The following DOCK2 variants were observed in gnomAD, a reference collection of about 807,000 sequenced individuals.
The protein encoded by DOCK2 is dedicator of cytokinesis 2.
In DOCK2, 87 loss-of-function variants were observed where a neutral mutation model predicts 248.9. The observed-to-expected ratio is 0.35, with a 90% confidence interval of 0.29 to 0.42. The LOEUF (loss-of-function observed/expected upper bound fraction) is 0.42. Ranked by LOEUF, DOCK2 falls within the 10% of genes least tolerant of loss-of-function variation. The pLI is 1.00. For missense variants in DOCK2, 1,747 were observed against 2,300.2 expected (o/e 0.76, Z 4.92); for synonymous variants, 805 against 821.6 (o/e 0.98, Z 0.35).
intron 25 of DOCK2, among the ~76,000 whole-genome samples, chr5:169,765,635 G>T (rs1561675287): frequency 6.6e-6 from 1 of 152,146 alleles, no homozygotes; most frequent in Non-Finnish European, 1.5e-5. Context: ...ACTGCTTTAG[G>T]ATCCACATTG....
chr5:169,641,734 C>G (rs1778402536), intron 1 of DOCK2, among the ~76,000 whole-genome samples: 1 of 152,160 alleles, frequency 6.6e-6, no homozygotes, highest in African/African-American at 2.4e-5. Context: ...TCTCTCCCCA[C>G]CACCTCCCTC....
At chr5:169,912,030 T>G (rs898703767) in intron 27 of DOCK2, among the ~76,000 whole-genome samples, 1 of 152,210 alleles carries the variant, frequency 6.6e-6, no homozygotes, top group Non-Finnish European at 1.5e-5. Context: ...ATGGGCTAAC[T>G]GCGTACCTAT....
At chr5:170,027,813 G>T (rs755150269) in intron 33 of DOCK2, 50 bp from the exon 34 acceptor site, 6 of 1,537,934 alleles carry the variant, frequency 3.9e-6, no homozygotes, top group Non-Finnish European at 4.5e-6. Flanking sequence ...ACTAATTTCA[G>T]CCCTCAGCCT....
intron 27 of DOCK2, 80 bp downstream of exon 27, chr5:169,840,932 A>G: frequency 7.0e-7 from 1 of 1,435,438 alleles, no homozygotes; most frequent in Non-Finnish European, 9.6e-7. Context: ...GGCAGATCAC[A>G]TTGAACTCCC....
chr5:169,825,881 C>T (rs1768820880), intron 26 of DOCK2, among the ~76,000 whole-genome samples: 3 of 149,782 alleles, frequency 2.0e-5, no homozygotes, highest in Admixed American at 2.0e-4. Flanking sequence ...CGAGTCACAA[C>T]ACTACACCCT....
intron 41 of DOCK2, among the ~76,000 whole-genome samples, chr5:170,055,052 A>C (rs1216577680): frequency 5.9e-5 from 9 of 152,242 alleles, no homozygotes; most frequent in Admixed American, 5.9e-4. Flanking sequence ...AATGATGATG[A>C]TTAAACACCA....
intron 27 of DOCK2, among the ~76,000 whole-genome samples, chr5:169,850,792 G>A (rs1184048049): frequency 6.6e-6 from 1 of 152,156 alleles, no homozygotes; most frequent in Non-Finnish European, 1.5e-5. Flanking sequence ...ATGTCTGGAC[G>A]GAAGTCATTT....
intron 27 of DOCK2, among the ~76,000 whole-genome samples, chr5:169,899,316 C>T (rs535171807): frequency 7.2e-5 from 11 of 152,266 alleles, no homozygotes; most frequent in Non-Finnish European, 1.3e-4. Context: ...TGACTTCCTG[C>T]CTTGAGACTT....
chr5:170,081,767 C>A, intron 50 of DOCK2, 75 bp from the exon 51 acceptor site: 1 of 1,328,294 alleles, frequency 7.5e-7, no homozygotes, highest in Non-Finnish European at 1.0e-6. Context: ...CCCAGCCCTC[C>A]CCCTGTCTAC....
At chr5:169,913,019 T>C (rs745375978) in intron 27 of DOCK2, among the ~76,000 whole-genome samples, 3 of 152,204 alleles carry the variant, frequency 2.0e-5, no homozygotes, top group Non-Finnish European at 4.4e-5. Flanking sequence ...TGTTCCTCAA[T>C]TGTAGTGCCT....
At chr5:169,791,022 T>G (rs916602653) in intron 25 of DOCK2, among the ~76,000 whole-genome samples, 11 of 152,186 alleles carry the variant, frequency 7.2e-5, no homozygotes, top group Non-Finnish European at 1.3e-4. Flanking sequence ...TACCACCTAG[T>G]TTCCTCAAGG....
intron 44 of DOCK2, among the ~76,000 whole-genome samples, chr5:170,058,194 G>C (rs556285884): frequency 6.6e-6 from 1 of 152,324 alleles, no homozygotes; most frequent in Admixed American, 6.5e-5. Flanking sequence ...GACAGCTAAA[G>C]ATCTTGCAGT....
intron 25 of DOCK2, among the ~76,000 whole-genome samples, chr5:169,790,609 T>C (rs1766276966): frequency 6.6e-6 from 1 of 152,232 alleles, no homozygotes; most frequent in African/African-American, 2.4e-5. Flanking sequence ...GACCAGGCAT[T>C]TGTAAAATTT....
At chr5:169,801,739 C>CA (rs1238880480) in intron 25 of DOCK2, among the ~76,000 whole-genome samples, 1 of 151,730 alleles carries the variant, frequency 6.6e-6, no homozygotes, top group African/African-American at 2.4e-5. Flanking sequence ...CTTGGGCTGA[C>CA]AGAATAAGAG....
intron 26 of DOCK2, among the ~76,000 whole-genome samples, chr5:169,811,773 G>C (rs1767775385): frequency 6.6e-6 from 1 of 152,146 alleles, no homozygotes; most frequent in African/African-American, 2.4e-5. Context: ...GAGTCTCAGA[G>C]AGGCTAGGTG....
At chr5:169,945,092 T>C (rs1229641798) in intron 27 of DOCK2, among the ~76,000 whole-genome samples, 4 of 152,202 alleles carry the variant, frequency 2.6e-5, no homozygotes, top group African/African-American at 7.2e-5. Context: ...ATTCTCAGAT[T>C]AGGGAACCGA....
intron 33 of DOCK2, among the ~76,000 whole-genome samples, chr5:170,021,343 AC>A (rs1755719239): frequency 6.6e-6 from 1 of 152,174 alleles, no homozygotes; most frequent in African/African-American, 2.4e-5. Flanking sequence ...CAGTTTACTT[AC>A]CCTCAGACCC....
At chr5:169,639,132 G>A (rs1757010636) in intron 1 of DOCK2, among the ~76,000 whole-genome samples, 1 of 152,328 alleles carries the variant, frequency 6.6e-6, no homozygotes, top group South Asian at 2.1e-4. Flanking sequence ...TCATCTGGAA[G>A]AAGTTAAATA....
At chr5:169,667,667 T>G (rs1758816396) in intron 2 of DOCK2, among the ~76,000 whole-genome samples, 1 of 152,246 alleles carries the variant, frequency 6.6e-6, no homozygotes, top group Non-Finnish European at 1.5e-5. Flanking sequence ...GCTTAATCTC[T>G]GTGCCTGTCT....
Sources: gnomAD v4.1 joint callset for allele counts (sites outside exome capture counted in the v4.1 genomes callset) on GRCh38, gnomAD v4.1.1 for gene constraint, MANE v1.5 for transcripts, NCBI Gene and HGNC (gene_info 2026-07-23, HGNC 2026-07-21) for gene names.